Variants in PTPRT observed in about 807,000 individuals in gnomAD.
PTPRT encodes protein tyrosine phosphatase receptor type T, also known as receptor-type tyrosine-protein phosphatase T.
In PTPRT, 56 loss-of-function variants were observed where a neutral mutation model predicts 176.8. The ratio of observed to expected loss-of-function variants is 0.32; its 90% CI spans 0.26 to 0.40. The LOEUF (loss-of-function observed/expected upper bound fraction) is 0.40. PTPRT is among the 10% of genes least tolerant of loss of function. The pLI, the probability that PTPRT is intolerant of heterozygous loss-of-function variation, is 1.00. For synonymous variants in PTPRT, 783 were observed against 739.0 expected (o/e 1.06, Z -0.96); for missense variants, 1,540 against 1,908.2 (o/e 0.81, Z 3.60).
rs780821966 is a variant in PTPRT at position 42,118,418 on chromosome 20, C to T, written c.2967G>A (p.Leu989=). Residue 989 remains leucine, a synonymous_variant, in exon 21 of 31, where the codon CTG becomes CTA. Coordinates refer to ENST00000373187, the MANE Select transcript of PTPRT (RefSeq NM_007050.6). ...AGAGGCTTACCCTGCCCACTTCCACCAGGTTTGTGACCATGACGATGCTGG... is the reference window on the plus strand; with the variant it reads ...AGAGGCTTACCCTGCCCACTTCCACTAGGTTTGTGACCATGACGATGCTGG... ...NSASIVMVTN[L]VEVGRVKCVR... 5.6e-6 allele frequency: 9 copies of T among 1,612,350 alleles called. No individual in the cohort carries two copies. The African/African-American group carries it at 1.2e-4, about 22-fold the overall frequency.
At chr20:42,888,848 G>A (rs775926339) in intron 1 of PTPRT, among the ~76,000 whole-genome samples, 9 of 152,174 alleles carry the variant, frequency 5.9e-5, no homozygotes, top group Non-Finnish European at 1.3e-4. Flanking sequence ...TGAAAGGTAA[G>A]CATGCAAATA....
chr20:42,814,655 C>T (rs1057023832), intron 2 of PTPRT, among the ~76,000 whole-genome samples: 5 of 152,170 alleles, frequency 3.3e-5, no homozygotes, highest in Non-Finnish European at 1.5e-5. Context: ...TGACTGCCAT[C>T]TTTAGTGCCA....
At chr20:42,665,501 T>A (rs1388486316) in intron 7 of PTPRT, among the ~76,000 whole-genome samples, 1 of 152,058 alleles carries the variant, frequency 6.6e-6, no homozygotes. Context: ...GGTGGGACTG[T>A]AAACTAGTTC....
At chr20:42,946,712 C>T (rs1980903989) in intron 1 of PTPRT, among the ~76,000 whole-genome samples, 1 of 152,170 alleles carries the variant, frequency 6.6e-6, no homozygotes, top group Admixed American at 6.5e-5. Context: ...AATTCTTGCC[C>T]TAAATCTTCC....
intron 7 of PTPRT, among the ~76,000 whole-genome samples, chr20:42,499,081 C>A (rs1473719176): frequency 6.6e-6 from 1 of 152,030 alleles, no homozygotes; most frequent in Non-Finnish European, 1.5e-5. Context: ...TGGTTTATAG[C>A]CTCAAATGGC....
chr20:42,843,189 A>G (rs2078309249), intron 2 of PTPRT, among the ~76,000 whole-genome samples: 1 of 152,228 alleles, frequency 6.6e-6, no homozygotes, highest in African/African-American at 2.4e-5. Context: ...TTGGTTCCCT[A>G]AAGAGATTTG....
chr20:43,109,513 A>AT (rs1367771004), intron 1 of PTPRT, among the ~76,000 whole-genome samples: 3 of 151,824 alleles, frequency 2.0e-5, no homozygotes, highest in African/African-American at 7.3e-5. Flanking sequence ...CTCAGTATAC[A>AT]TTTTTTTCAT....
chr20:42,682,597 G>A (rs1328835965), intron 6 of PTPRT, among the ~76,000 whole-genome samples: 1 of 152,170 alleles, frequency 6.6e-6, no homozygotes, highest in African/African-American at 2.4e-5. Context: ...CACAAAGTTT[G>A]CAACTAAATT....
chr20:42,598,852 A>G (rs2073723465), intron 7 of PTPRT, among the ~76,000 whole-genome samples: 1 of 152,180 alleles, frequency 6.6e-6, no homozygotes, highest in Non-Finnish European at 1.5e-5. Flanking sequence ...TACTGATGGC[A>G]GCACCCCTCG....
At chr20:42,239,677 C>T (rs532715973) in intron 14 of PTPRT, among the ~76,000 whole-genome samples, 1 of 152,180 alleles carries the variant, frequency 6.6e-6, no homozygotes, top group Admixed American at 6.5e-5. Context: ...CTGCCTCAGC[C>T]TCCCAAAGTG....
At chr20:42,525,664 C>T (rs372553091) in intron 7 of PTPRT, among the ~76,000 whole-genome samples, 6 of 152,230 alleles carry the variant, frequency 3.9e-5, no homozygotes, top group East Asian at 1.9e-4. Context: ...GGGTAATTTC[C>T]ACATTTCCAT....
chr20:42,720,734 A>T (rs1194506500), intron 6 of PTPRT, among the ~76,000 whole-genome samples: 1 of 152,198 alleles, frequency 6.6e-6, no homozygotes, highest in African/African-American at 2.4e-5. Context: ...GTCCTTCTGC[A>T]CTGTCAAATC....
chr20:42,132,812 T>C (rs1988183599), intron 18 of PTPRT, among the ~76,000 whole-genome samples: 1 of 152,200 alleles, frequency 6.6e-6, no homozygotes, highest in South Asian at 2.1e-4. Context: ...GCAATTGTAC[T>C]TCTTGGTATT....
intron 1 of PTPRT, among the ~76,000 whole-genome samples, chr20:43,048,516 T>G (rs535033917): frequency 1.3e-5 from 2 of 151,716 alleles, no homozygotes; most frequent in African/African-American, 4.8e-5. Context: ...GAAAGATGTT[T>G]GATAGACATC....
intron 1 of PTPRT, among the ~76,000 whole-genome samples, chr20:43,010,088 T>C (rs1157790582): frequency 1.3e-5 from 2 of 152,158 alleles, no homozygotes; most frequent in Non-Finnish European, 2.9e-5. Context: ...AGGCCTGCTG[T>C]GTCTTCCTTC....
the PTPRT span, among the ~76,000 whole-genome samples, chr20:42,040,846 G>T: frequency 2.6e-5 from 4 of 152,176 alleles, no homozygotes; most frequent in African/African-American, 7.2e-5. Flanking sequence ...CCTTCAGGGG[G>T]TGTTATCTTG....
At chr20:42,943,799 C>T (rs1016735896) in intron 1 of PTPRT, among the ~76,000 whole-genome samples, 3 of 151,928 alleles carry the variant, frequency 2.0e-5, no homozygotes, top group African/African-American at 4.8e-5. Context: ...AAGATCATTC[C>T]AGCCTGGGAG....
At chr20:42,799,549 T>C (rs1400609541) in intron 2 of PTPRT, among the ~76,000 whole-genome samples, 1 of 152,152 alleles carries the variant, frequency 6.6e-6, no homozygotes, top group African/African-American at 2.4e-5. Flanking sequence ...TAAATGTTAT[T>C]GTAGGAAAAA....
chr20:42,390,234 C>T (rs767757981), intron 9 of PTPRT, among the ~76,000 whole-genome samples: 14 of 152,060 alleles, frequency 9.2e-5, no homozygotes, highest in Non-Finnish European at 2.1e-4. Context: ...GTGAATGAAT[C>T]AACACGTAGT....
Sources: allele counts gnomAD v4.1 joint callset (sites outside exome capture counted in the v4.1 genomes callset), GRCh38; gene constraint gnomAD v4.1.1; transcripts MANE v1.5; gene names NCBI Gene and HGNC (gene_info 2026-07-23, HGNC 2026-07-21).